The following USP42 variants were observed in gnomAD, a reference collection of about 807,000 sequenced individuals.
USP42 encodes ubiquitin carboxyl-terminal hydrolase 42.
A neutral mutation model predicts 113.0 loss-of-function variants in USP42; 23 were observed. The ratio of observed to expected loss-of-function variants is 0.20; its 90% CI spans 0.15 to 0.29. The LOEUF (loss-of-function observed/expected upper bound fraction) is 0.29. USP42 is among the 10% of genes least tolerant of loss of function. USP42 has a pLI of 1.00. For missense variants in USP42, 2,174 were observed against 1,779.8 expected, an observed-to-expected ratio of 1.22 and a Z score of -3.99; for synonymous variants, 933 against 699.0, an observed-to-expected ratio of 1.33 and a Z score of -5.28.
chr7:6,102,206 C>T (rs1790147918), upstream of USP42, among the ~76,000 whole-genome samples: 1 of 147,800 alleles, frequency 6.8e-6, no homozygotes, highest in Non-Finnish European at 1.5e-5. Context: ...ACCTCTGCCT[C>T]CCAGGTTCAA....
At position 6,154,948 on chromosome 7, in the gene USP42, T is replaced by G; in HGVS notation, c.3394T>G (p.Phe1132Val). The change falls in exon 15 of 18, where the codon TTC becomes GTC. Residue 1132 changes from phenylalanine (F) to valine (V), a missense_variant. By Grantham distance (50) the Phe-to-Val change is conservative. Transcript: ENST00000306177. The part of the protein sequence containing the change: ...PHALAPHPDR[F>V]SHDRTALVAG... ...CGCCCTCGCCCCGCACCCCGACCGCTTCTCCCACGACAGAACTGCACTTGT... is the reference window on the plus strand; with the variant it reads ...CGCCCTCGCCCCGCACCCCGACCGCGTCTCCCACGACAGAACTGCACTTGT... 1 of 1,555,020 alleles carries G rather than the reference T, an allele frequency of 6.4e-7. No homozygotes were observed. The highest frequency in any genetic ancestry group is 8.7e-7 in the Non-Finnish European group (1 of 1,148,952).
At position 6,154,622 on chromosome 7, in the gene USP42, G is replaced by A. The variant is rs759104089; in HGVS notation, c.3068G>A (p.Arg1023Gln). Reference protein sequence around the residue: ...SLGRCSHHHSRHRSGVELDWV... With the variant: ...SLGRCSHHHSQHRSGVELDWV... ...GGCAGGTGCAGTCACCACCACTCCC[G>A]ACACCGGAGCGGGGTGGAGCTGGAC... Residue 1023 changes from arginine (R) to glutamine (Q), a missense_variant, in exon 15 of 18, where the codon CGA becomes CAA. Physicochemically the swap from Arg to Gln is conservative, Grantham distance 43. Transcript: ENST00000306177. The A allele has an allele frequency of 4.4e-6, 7 of 1,598,870 alleles. No individual in the cohort carries two copies. The highest frequency in any genetic ancestry group is 1.3e-5 in the African/African-American group (1 of 74,724).
chr7:6,105,544 A>C (rs1583562539), intron 1 of USP42, among the ~76,000 whole-genome samples: 1 of 57,472 alleles, frequency 1.7e-5, no homozygotes, highest in Non-Finnish European at 3.3e-5. Context: ...CCCCGCCCCC[A>C]CTGCATCCCT....
intron 11 of USP42, among the ~76,000 whole-genome samples, chr7:6,146,704 G>A (rs1328923106): frequency 6.6e-6 from 1 of 152,220 alleles, no homozygotes; most frequent in Non-Finnish European, 1.5e-5. Context: ...TGTGCCTGGA[G>A]AGTAAGAAAG....
intron 3 of USP42, among the ~76,000 whole-genome samples, chr7:6,120,835 C>T (rs1055669994): frequency 8.5e-5 from 13 of 152,166 alleles, no homozygotes; most frequent in South Asian, 4.1e-4. Context: ...CCACCTGCCT[C>T]GGCCTCCCAA....
At chr7:6,113,629 G>T (rs1232474443) in intron 2 of USP42, among the ~76,000 whole-genome samples, 4 of 147,274 alleles carry the variant, frequency 2.7e-5, no homozygotes, top group African/African-American at 7.5e-5. Flanking sequence ...TTTTGTTTTT[G>T]TTTTTTTTTT....
At chr7:6,127,401 C>T (rs1692324661) in intron 3 of USP42, among the ~76,000 whole-genome samples, 1 of 150,868 alleles carries the variant, frequency 6.6e-6, no homozygotes, top group Admixed American at 6.6e-5. Context: ...TAATTTTTTC[C>T]TGTAAGTTGT....
intron 2 of USP42, among the ~76,000 whole-genome samples, chr7:6,114,678 A>ATATATTTATTT (rs1241045063): frequency 5.3e-5 from 1 of 18,872 alleles, no homozygotes; most frequent in Non-Finnish European, 7.5e-5. Context: ...ATATATATAT[A>ATATATTTATTT]TTTTTTTTTT....
At position 6,154,984 on chromosome 7, in the gene USP42, A is replaced by T. The variant is rs200598130; in HGVS notation, c.3430A>T (p.Asn1144Tyr). The change falls in exon 15 of 18, where the codon AAC (asparagine) becomes TAC (tyrosine). Residue 1144 changes from asparagine to tyrosine, a missense_variant. Asn to Tyr is a moderately radical substitution (Grantham distance 143). Coordinates refer to ENST00000306177, the MANE Select transcript of USP42 (RefSeq NM_032172.3). ...HDRTALVAGD[N>Y]CNLSDRFHEH... ...CAGAACTGCACTTGTAGCCGGAGAC[A>T]ACTGTAACCTCTCTGATCGGTTTCA... 96 of 1,563,314 alleles carry T rather than the reference A, an allele frequency of 6.1e-5. No individual in the cohort carries two copies. Among genetic ancestry groups the T allele is most frequent in the Non-Finnish European group, 8.2e-5 (95 of 1,153,518 alleles).
the USP42 span, among the ~76,000 whole-genome samples, chr7:6,091,680 TACACACACACACACAC>T: frequency 7.3e-6 from 1 of 136,078 alleles, no homozygotes; most frequent in Non-Finnish European, 1.6e-5. Context: ...TATGTTAGCA[TACACACACACACACAC>T]ACACACACAC....
the USP42 span, among the ~76,000 whole-genome samples, chr7:6,091,957 T>C: frequency 2.0e-5 from 3 of 150,308 alleles, no homozygotes; most frequent in Non-Finnish European, 4.4e-5. Context: ...AAAATCCTAC[T>C]TAGTCCTCAA....
chr7:6,147,174 C>A (rs1583664684), intron 11 of USP42, among the ~76,000 whole-genome samples: 1 of 152,192 alleles, frequency 6.6e-6, no homozygotes, highest in Non-Finnish European at 1.5e-5. Context: ...TCAGAGGAGG[C>A]CTCAGGCCAA....
At chr7:6,107,631 ACTC>A (rs1234525432) in intron 1 of USP42, among the ~76,000 whole-genome samples, 5 of 149,698 alleles carry the variant, frequency 3.3e-5, no homozygotes, top group South Asian at 4.2e-4. Context: ...CTGGTCTTGA[ACTC>A]CTGATTTCAG....
Position 6,158,308 on chromosome 7 carries a change from G to A in USP42, c.3944-1142G>A, listed in dbSNP as rs1220651321. Among the ~76,000 whole-genome samples, 5 of 152,208 alleles carry A rather than the reference G, an allele frequency of 3.3e-5. No homozygotes were observed. ...CGCAAAGCGGAAAATGTTTATTATTGCCCCTTGACAGAAAGGGTTTGTCAC... is the reference window on the plus strand; with the variant it reads ...CGCAAAGCGGAAAATGTTTATTATTACCCCTTGACAGAAAGGGTTTGTCAC... On this transcript the variant is annotated intron_variant, in intron 16 of 17. Coordinates refer to ENST00000306177, the MANE Select transcript of USP42 (RefSeq NM_032172.3). The surrounding 1 kb of genome is among the most constrained non-coding windows in gnomAD (Gnocchi z 4.2).
Position 6,111,265 on chromosome 7 carries a change from G to T in USP42, c.132G>T (p.Leu44Phe), listed in dbSNP as rs1333474010. Residue 44 changes from leucine to phenylalanine, a missense_variant, in exon 2 of 18, where the codon TTG becomes TTT. Leu to Phe is a conservative substitution (Grantham distance 22, BLOSUM62 0). Coordinates refer to ENST00000306177, the MANE Select transcript of USP42 (RefSeq NM_032172.3). ...GSASWGAVSS[L>F]NDVSNHTLSL... ...CCAGCTGGGGTGCTGTGTCTTCATT[G>T]AATGATGTGTCAAATCACACACTTT... The T allele has an allele frequency of 6.2e-7, 1 of 1,608,080 alleles. No individual in the cohort carries two copies. The highest frequency in any genetic ancestry group is 1.3e-5 in the African/African-American group (1 of 74,974).
chr7:6,082,133 CT>C, the USP42 span, among the ~76,000 whole-genome samples: 338 of 142,676 alleles, frequency 2.4e-3, no homozygotes, highest in Non-Finnish European at 2.5e-3. Flanking sequence ...CGAATTTATC[CT>C]TTTTTTTTTT....
the USP42 span, among the ~76,000 whole-genome samples, chr7:6,085,618 A>ATTT: frequency 7.4e-6 from 1 of 135,718 alleles, no homozygotes; most frequent in African/African-American, 3.0e-5. Flanking sequence ...ATATATATAT[A>ATTT]TATATATTTT....
Position 6,114,654 on chromosome 7 carries a change from G to GTATATATATATA in USP42, c.242-668_242-667insATATATATATAT, listed in dbSNP as rs1562805030. Among the ~76,000 whole-genome samples the GTATATATATATA allele has an allele frequency of 2.9e-3, 199 of 69,274 alleles. 2 individuals carry two copies. Among genetic ancestry groups the GTATATATATATA allele is most frequent in the East Asian group, 8.5e-3 (12 of 1,414 alleles). 45.4% of individuals were successfully genotyped at this position (69,274 alleles called of 152,430 possible). On this transcript the variant is annotated intron_variant, in intron 2 of 17. Coordinates refer to ENST00000306177, the MANE Select transcript of USP42 (RefSeq NM_032172.3). ...TGTGTGTGTATATATGTATGTGTGTGTGTATATATATATATATATATATAT... is the reference window on the plus strand; with the variant it reads ...TGTGTGTGTATATATGTATGTGTGTGTATATATATATATGTATATATATATATATATATATAT...
Position 6,139,539 on chromosome 7 carries a change from G to T in USP42, c.656+345G>T. The T allele has an allele frequency of 4.8e-6, 1 of 209,400 alleles. No homozygotes were observed. Among genetic ancestry groups the T allele is most frequent in the Non-Finnish European group, 9.5e-6 (1 of 105,658 alleles). The allele number at this position is 209,400 out of a possible 1,614,324, so 13.0% of individuals were successfully genotyped here. A position where few individuals can be genotyped will look rare whatever the true frequency, so the allele number is the denominator to read the frequency against. ...TGCCTGACATTTTCTTTTCTCTGCT[G>T]CCCTCCAGCCTGTGTTTATTTCCTG... On this transcript the variant is annotated intron_variant, in intron 5 of 17. Coordinates refer to ENST00000306177, the MANE Select transcript of USP42 (RefSeq NM_032172.3). The surrounding 1 kb of genome is among the most constrained non-coding windows in gnomAD (Gnocchi z 4.5).
Sources: allele counts gnomAD v4.1 joint callset (sites outside exome capture counted in the v4.1 genomes callset), GRCh38; gene constraint gnomAD v4.1.1; non-coding constraint Gnocchi (gnomAD v3.1); transcripts MANE v1.5; gene names NCBI Gene and HGNC (gene_info 2026-07-23, HGNC 2026-07-21).